Variants in FLNB observed in about 807,000 individuals in gnomAD.
FLNB encodes the protein filamin-B.
Under a neutral mutation model 250.6 loss-of-function variants are expected in FLNB, and 111 were observed. That is an observed-to-expected ratio of 0.44 (90% CI 0.38 to 0.52). FLNB has a LOEUF of 0.52. FLNB is among the 20% of genes least tolerant of loss of function. The pLI, the probability that FLNB is intolerant of heterozygous loss-of-function variation, is 0.00. For missense variants in FLNB, 2,869 were observed against 3,447.8 expected (o/e 0.83, Z 4.20); for synonymous variants, 1,302 against 1,372.1 (o/e 0.95, Z 1.13).
chr3:58,058,150 G>A (rs1559663249), intron 1 of FLNB, among the ~76,000 whole-genome samples: 1 of 152,174 alleles, frequency 6.6e-6, no homozygotes, highest in Non-Finnish European at 1.5e-5. Flanking sequence ...GTGCATGTGA[G>A]CGTTTTATCT....
rs1485110875 is a variant in FLNB at position 58,008,777 on chromosome 3, C to T, written c.213C>T (p.Thr71=). The T allele has an allele frequency of 6.2e-7, 1 of 1,613,986 alleles. No homozygotes were observed. Among genetic ancestry groups the T allele is most frequent in the Admixed American group, 1.7e-5 (1 of 60,022 alleles). The change falls in exon 1 of 46, where the codon ACC becomes ACT. Residue 71 remains threonine (T), a synonymous_variant. Transcript: ENST00000295956. ...RMYRKYHQRP[T]FRQMQLENVS... Reference sequence around the variant, plus strand: ...ACCGCAAGTACCATCAGCGGCCCACCTTTCGCCAGATGCAGCTCGAGAATG... The same window carrying T: ...ACCGCAAGTACCATCAGCGGCCCACTTTTCGCCAGATGCAGCTCGAGAATG...
Position 58,112,137 on chromosome 3 carries a change from A to G in FLNB, c.2576-12A>G, listed in dbSNP as rs764106814. Reference sequence around the variant, plus strand: ...CTGGTCTGTCTCCTCACTTCACAGTATATCTTTCCAGGTGTGGAAAATGGG... The same window carrying G: ...CTGGTCTGTCTCCTCACTTCACAGTGTATCTTTCCAGGTGTGGAAAATGGG... On this transcript the variant is annotated splice_polypyrimidine_tract_variant and intron_variant, in intron 17 of 45. Transcript: ENST00000295956. 18 of 1,613,460 alleles carry G rather than the reference A, an allele frequency of 1.1e-5. No homozygotes were observed. Among genetic ancestry groups the G allele is most frequent in the African/African-American group, 2.7e-5 (2 of 74,920 alleles).
chr3:58,152,690 TCCCTTTTCTG>T, intron 38 of FLNB: 1 of 1,257,924 alleles, frequency 7.9e-7, no homozygotes, highest in Non-Finnish European at 1.0e-6. Context: ...CAACCTCCCT[TCCCTTTTCTG>T]TCCTCAGGGG....
At position 58,077,131 on chromosome 3, in the gene FLNB, C is replaced by T. The variant is rs1212249362; in HGVS notation, c.378C>T (p.Pro126=). Residue 126 remains proline (P), a synonymous_variant, in exon 2 of 46, where the codon CCC becomes CCT. Coordinates refer to ENST00000295956, the MANE Select transcript of FLNB (RefSeq NM_001457.4). ...TCCTCCACTACTCCATCTCCATGCC[C>T]GTGTGGGAGGATGAAGGGGATGATG... The part of the protein sequence containing the change: ...TLILHYSISM[P]VWEDEGDDDA... 7 of 1,613,984 alleles carry T rather than the reference C, an allele frequency of 4.3e-6. No individual in the cohort carries two copies. Among genetic ancestry groups the T allele is most frequent in the African/African-American group, 1.3e-5 (1 of 74,910 alleles).
At chr3:58,057,447 T>A (rs79501872) in intron 1 of FLNB, among the ~76,000 whole-genome samples, 8,795 of 152,294 alleles carry the variant, frequency 0.058, 816 homozygotes, top group African/African-American at 0.2. Flanking sequence ...GTTCCTGAGA[T>A]GGAGCTGTGC....
chr3:58,169,598 C>T lies in FLNB; in HGVS notation c.7426C>T (p.Leu2476=). The T allele has an allele frequency of 6.2e-7, 1 of 1,613,712 alleles. No homozygotes were observed. Among genetic ancestry groups the T allele is most frequent in the Non-Finnish European group, 8.5e-7 (1 of 1,179,602 alleles). The part of the protein sequence containing the change: ...PFKAKVTGQR[L]VSPGSANETS... ...TCCCTCCTGTATCTTAGGCCAGCGT[C>T]TAGTTAGCCCTGGCTCAGCCAACGA... The change falls in exon 45 of 46, where the codon CTA becomes TTA. Residue 2476 remains leucine (L), a synonymous_variant. Transcript: ENST00000295956. This position sits in a 1 kb window ranked among gnomAD's most constrained non-coding sequence, Gnocchi z 4.8.
chr3:58,122,686 G>A (rs1291788549), intron 20 of FLNB, among the ~76,000 whole-genome samples: 1 of 152,068 alleles, frequency 6.6e-6, no homozygotes, highest in African/African-American at 2.4e-5. Context: ...AGAATTTGTT[G>A]AGCAAATTGC....
intron 1 of FLNB, among the ~76,000 whole-genome samples, chr3:58,024,544 A>G (rs974600867): frequency 7.9e-5 from 12 of 151,924 alleles, no homozygotes; most frequent in African/African-American, 2.7e-4. Context: ...GGAAGGTGAA[A>G]GGTGGTTGGG....
rs1163537400 is a variant in FLNB, at chr3:58,168,897, C to T, written c.7417+239C>T. 4 of 538,426 alleles carry T rather than the reference C, an allele frequency of 7.4e-6. No individual in the cohort carries two copies. In the Admixed American group the frequency reaches 1.2e-4, roughly 16 times the overall value. The allele number at this position is 538,426 out of a possible 1,614,324, so 33.4% of individuals were successfully genotyped here. On this transcript the variant is annotated intron_variant, in intron 44 of 45. Coordinates refer to ENST00000295956, the MANE Select transcript of FLNB (RefSeq NM_001457.4). ...ATGTTAGGTGGTTTTCTATCTCTAACAGGAAAGAATACATATTGAAATCTT... is the reference window on the plus strand; with the variant it reads ...ATGTTAGGTGGTTTTCTATCTCTAATAGGAAAGAATACATATTGAAATCTT...
At position 58,150,224 on chromosome 3, in the gene FLNB, C is replaced by T. The variant is rs1210990029; in HGVS notation, c.6364C>T (p.Pro2122Ser). Residue 2122 changes from proline to serine, a missense_variant, in exon 38 of 46, where the codon CCA becomes TCA. Physicochemically the swap from Pro to Ser is moderately conservative, Grantham distance 74. Around this residue, in one of 5 missense-constraint regions of FLNB, gnomAD observed 1,084 missense variants for 1,315.5 expected, o/e 0.82. Coordinates refer to ENST00000295956, the MANE Select transcript of FLNB (RefSeq NM_001457.4). ...GSICDLNLKI[P>S]EINSSDMSAH... ...CATTTGTGACCTGAACCTGAAAATC[C>T]CAGGTGGGCGTCGGGGACTAGTAGG... is the stretch of plus-strand genomic sequence containing the variant. The T allele has an allele frequency of 1.9e-6, 3 of 1,614,052 alleles. No homozygotes were observed. Among genetic ancestry groups the T allele is most frequent in the African/African-American group, 2.7e-5 (2 of 74,936 alleles).
At chr3:58,119,998 G>T (rs1202864497) in intron 19 of FLNB, among the ~76,000 whole-genome samples, 1 of 152,220 alleles carries the variant, frequency 6.6e-6, no homozygotes, top group African/African-American at 2.4e-5. Context: ...ATGTACCTCA[G>T]GGCTCACATT....
intron 24 of FLNB, among the ~76,000 whole-genome samples, chr3:58,130,136 G>T (rs2097304527): frequency 6.6e-6 from 1 of 152,130 alleles, no homozygotes; most frequent in Non-Finnish European, 1.5e-5. Flanking sequence ...GCATTGGAGG[G>T]AGAGGAGTCT....
intron 34 of FLNB, 74 bp from the exon 35 acceptor site, chr3:58,148,132 C>A: frequency 6.8e-7 from 1 of 1,461,760 alleles, no homozygotes; most frequent in Non-Finnish European, 9.6e-7. Context: ...CCGTGAACAG[C>A]ATATGGCATG....
intron 1 of FLNB, among the ~76,000 whole-genome samples, chr3:58,036,971 G>A (rs991181169): frequency 4.0e-5 from 6 of 151,890 alleles, no homozygotes; most frequent in African/African-American, 1.2e-4. Context: ...ATAGCACCCC[G>A]GCTATACTTT....
chr3:58,061,573 G>A (rs973678089), intron 1 of FLNB, among the ~76,000 whole-genome samples: 5 of 151,594 alleles, frequency 3.3e-5, no homozygotes, highest in African/African-American at 1.2e-4. Flanking sequence ...CAAAAATTAC[G>A]AAAATTAGCC....
intron 16 of FLNB, among the ~76,000 whole-genome samples, chr3:58,111,062 A>C (rs1185974369): frequency 1.3e-5 from 2 of 152,164 alleles, no homozygotes; most frequent in Non-Finnish European, 2.9e-5. Context: ...TTTGTAATAA[A>C]TTTTCATCAA....
rs1299587244 is a variant in FLNB, at chr3:58,159,696, A to AGGCCTG, written c.7021+11_7021+16dup. 1 of 1,612,466 alleles carries AGGCCTG rather than the reference A, an allele frequency of 6.2e-7. No homozygotes were observed. Among genetic ancestry groups the AGGCCTG allele is most frequent in the Admixed American group, 1.7e-5 (1 of 60,014 alleles). ...TCTGAGCTGGAGCCAGGTGAGCAGG[A>AGGCCTG]GGCCTGCTGGGGGGTCCCAGCACCA... On this transcript the variant is annotated intron_variant, in intron 42 of 45. Transcript: ENST00000295956.
At chr3:58,149,551 C>A in intron 36 of FLNB, 1 of 461,608 alleles carries the variant, frequency 2.2e-6, no homozygotes, top group Non-Finnish European at 4.0e-6. Flanking sequence ...GGCGTGAGGG[C>A]AGAAGGTCCT....
At chr3:58,079,601 A>G (rs912793351) in intron 3 of FLNB, among the ~76,000 whole-genome samples, 5 of 152,232 alleles carry the variant, frequency 3.3e-5, no homozygotes, top group Non-Finnish European at 7.3e-5. Context: ...CCATTAATGG[A>G]AACTGTGGAA....
Sources: gnomAD v4.1 joint callset for allele counts (sites outside exome capture counted in the v4.1 genomes callset) on GRCh38, gnomAD v4.1.1 for gene constraint, gnomAD v4.1.1 regional missense constraint, Gnocchi (gnomAD v3.1) non-coding constraint, MANE v1.5 for transcripts, NCBI Gene and HGNC (gene_info 2026-07-23, HGNC 2026-07-21) for gene names.